CSRNP3: variants seen among roughly 807,000 people sequenced by gnomAD.
CSRNP3 encodes the protein cysteine/serine-rich nuclear protein 3.
In CSRNP3, 12 loss-of-function variants were observed where a neutral mutation model predicts 48.0. The observed-to-expected ratio is 0.25, with a 90% CI of 0.16 to 0.41. The LOEUF is 0.41. Among genes scored for constraint, CSRNP3 ranks in the 10% least tolerant of loss-of-function variants. The pLI is 1.00. For synonymous variants in CSRNP3, 263 were observed against 269.7 expected, an observed-to-expected ratio of 0.98 and a Z score of 0.24; for missense variants, 580 against 724.4, an observed-to-expected ratio of 0.80 and a Z score of 2.29.
chr2:165,501,257 C>G (rs1391129618), intron 2 of CSRNP3, among the ~76,000 whole-genome samples: 1 of 151,972 alleles, frequency 6.6e-6, no homozygotes, highest in Admixed American at 6.6e-5. Context: ...CAAAAGGAAA[C>G]CTAGGGAGTT....
chr2:165,473,033 T>G (rs1366026120), intron 1 of CSRNP3, among the ~76,000 whole-genome samples: 1 of 152,068 alleles, frequency 6.6e-6, no homozygotes, highest in East Asian at 1.9e-4. Context: ...ACAAATCAGA[T>G]AGACTAGTAA....
chr2:165,679,646 A>T lies in CSRNP3; in HGVS notation c.1651A>T (p.Ser551Cys). The T allele has an allele frequency of 6.2e-7, 1 of 1,614,196 alleles. No individual in the cohort carries two copies. The highest frequency in any genetic ancestry group is 2.2e-5 in the East Asian group (1 of 44,866). The change falls in exon 7 of 7, where the codon AGT (serine) becomes TGT (cysteine). Residue 551 changes from serine to cysteine, a missense_variant. Transcript: ENST00000651982. Reference sequence around the variant, plus strand: ...GTTTGTCTCTGCATTGAATGGTGACAGTCACATTTCAGAGCATCCTGCTGA... The same window carrying T: ...GTTTGTCTCTGCATTGAATGGTGACTGTCACATTTCAGAGCATCCTGCTGA... ...EGFVSALNGD[S>C]HISEHPAENS...
intron 5 of CSRNP3, among the ~76,000 whole-genome samples, chr2:165,670,420 A>G (rs1687308758): frequency 6.6e-6 from 1 of 152,180 alleles, no homozygotes; most frequent in African/African-American, 2.4e-5. Context: ...ATTCCAAATA[A>G]TCATAAAAGA....
intron 5 of CSRNP3, among the ~76,000 whole-genome samples, chr2:165,665,882 GAGGA>G (rs1558967091): frequency 1.3e-5 from 2 of 149,254 alleles, no homozygotes; most frequent in Admixed American, 6.7e-5. Flanking sequence ...GAAAGAGAGA[GAGGA>G]AGGAAGGAGG....
In CSRNP3 at chr2:165,685,856, C is replaced by G. The variant is rs953696904; in HGVS notation, c.*6103C>G. 6.6e-6 allele frequency: 1 copy of G among 152,094 alleles called. No homozygotes were observed. The highest frequency in any genetic ancestry group is 2.1e-4 in the South Asian group (1 of 4,836). The allele number at this position is 152,094 out of a possible 1,614,324, so 9.4% of individuals were successfully genotyped here. On this transcript the variant is annotated 3_prime_UTR_variant, in exon 7 of 7. Coordinates refer to ENST00000651982, the MANE Select transcript of CSRNP3 (RefSeq NM_001172173.2). ...TCAGCATGCTAATGATGTAACTCCT[C>G]TCTTTATCATTACCACGGTGATAGT...
At chr2:165,544,595 A>G (rs1393244155) in intron 3 of CSRNP3, among the ~76,000 whole-genome samples, 1 of 151,948 alleles carries the variant, frequency 6.6e-6, no homozygotes, top group Non-Finnish European at 1.5e-5. Context: ...GGAGAAGGAA[A>G]TGGTTTGATT....
intron 3 of CSRNP3, among the ~76,000 whole-genome samples, chr2:165,536,163 T>C (rs1334672796): frequency 6.6e-6 from 1 of 151,942 alleles, no homozygotes; most frequent in Non-Finnish European, 1.5e-5. Flanking sequence ...CCAAATATTG[T>C]CAACACAACT....
chr2:165,648,637 G>A (rs1045705326), intron 4 of CSRNP3, among the ~76,000 whole-genome samples: 5 of 152,132 alleles, frequency 3.3e-5, no homozygotes, highest in Middle Eastern at 3.4e-3. Flanking sequence ...ACAAAGTGCC[G>A]TTTTTTGTTG....
chr2:165,567,978 A>C (rs1480241051), intron 3 of CSRNP3, among the ~76,000 whole-genome samples: 1 of 152,158 alleles, frequency 6.6e-6, no homozygotes, highest in Non-Finnish European at 1.5e-5. Flanking sequence ...AACTAGTTTC[A>C]TTAATGCTCT....
At chr2:165,511,030 GT>G (rs1383994374) in intron 2 of CSRNP3, among the ~76,000 whole-genome samples, 7 of 152,176 alleles carry the variant, frequency 4.6e-5, no homozygotes. Flanking sequence ...CTAGGATTGT[GT>G]GGTATCCTAG....
chr2:165,506,213 C>T (rs1174135620), intron 2 of CSRNP3, among the ~76,000 whole-genome samples: 2 of 152,174 alleles, frequency 1.3e-5, no homozygotes, highest in African/African-American at 4.8e-5. Context: ...AAGAAGGCAT[C>T]TCTTCCACCC....
At chr2:165,588,758 C>T (rs543834585) in intron 3 of CSRNP3, among the ~76,000 whole-genome samples, 1 of 152,086 alleles carries the variant, frequency 6.6e-6, no homozygotes, top group East Asian at 1.9e-4. Context: ...TGTTGGAGAC[C>T]AGCCTGGGCA....
rs1375846251 is a variant in CSRNP3, at chr2:165,471,911, AG to A, written c.-283+2173del. Among the ~76,000 whole-genome samples the A allele has an allele frequency of 3.9e-5, 6 of 152,054 alleles. No individual in the cohort carries two copies. In the East Asian group the frequency reaches 1.2e-3, roughly 29 times the overall value. The stretch of plus-strand genomic sequence containing the variant: ...AGTTAAGAGGTTACTGTCCAAGTGA[AG>A]GATGAAACAAGGCAAATGAAAACCA... On this transcript the variant is annotated intron_variant, in intron 1 of 6. Transcript: ENST00000651982.
chr2:165,551,687 G>C (rs1280003892), intron 3 of CSRNP3, among the ~76,000 whole-genome samples: 1 of 152,092 alleles, frequency 6.6e-6, no homozygotes, highest in Admixed American at 6.6e-5. Flanking sequence ...TAAAAATAAA[G>C]TATGTTTAAT....
intron 4 of CSRNP3, among the ~76,000 whole-genome samples, chr2:165,610,797 A>G (rs754053001): frequency 2.6e-5 from 4 of 152,100 alleles, no homozygotes; most frequent in Admixed American, 6.6e-5. Flanking sequence ...ATATCAATGG[A>G]TTCATCAGCA....
chr2:165,479,345 G>A lies in CSRNP3; in HGVS notation c.-283+9605G>A, dbSNP rs1289268312. ...GAGATATCAAAAGTCATGAAAGTCCGTGATGATAAAATTATGATTTCAAGT... is the reference window on the plus strand; with the variant it reads ...GAGATATCAAAAGTCATGAAAGTCCATGATGATAAAATTATGATTTCAAGT... On this transcript the variant is annotated intron_variant, in intron 1 of 6. Transcript: ENST00000651982. Among the ~76,000 whole-genome samples, 10 of 152,118 alleles carry A rather than the reference G, an allele frequency of 6.6e-5. No homozygotes were observed. In the South Asian group the frequency reaches 8.3e-4, roughly 13 times the overall value.
At chr2:165,543,946 G>C (rs1313111662) in intron 3 of CSRNP3, among the ~76,000 whole-genome samples, 1 of 151,748 alleles carries the variant, frequency 6.6e-6, no homozygotes, top group African/African-American at 2.4e-5. Flanking sequence ...TAACTTTCTA[G>C]TGACGAGAGA....
intron 2 of CSRNP3, among the ~76,000 whole-genome samples, chr2:165,500,813 G>A (rs1574807057): frequency 6.6e-6 from 1 of 151,936 alleles, no homozygotes; most frequent in Non-Finnish European, 1.5e-5. Flanking sequence ...CCACATTTTT[G>A]AAAATGTATA....
chr2:165,678,499 G>A (rs942497847), intron 6 of CSRNP3, among the ~76,000 whole-genome samples: 92 of 152,056 alleles, frequency 6.1e-4, no homozygotes, highest in African/African-American at 2.0e-3. Context: ...TTTGAATATA[G>A]GTATAAAAAG....
Sources: allele counts gnomAD v4.1 joint callset (sites outside exome capture counted in the v4.1 genomes callset), GRCh38; gene constraint gnomAD v4.1.1; transcripts MANE v1.5; gene names NCBI Gene and HGNC (gene_info 2026-07-23, HGNC 2026-07-21).